BRD10: variants seen among roughly 807,000 people sequenced by gnomAD.
The protein encoded by BRD10 is bromodomain containing 10, also known as uncharacterized bromodomain-containing protein 10.
chr9:5,914,185 C>T, the BRD10 span: 8 of 345,332 alleles, frequency 2.3e-5, no homozygotes, highest in African/African-American at 4.4e-5. Flanking sequence ...ATCATGTCTG[C>T]GAGGAAGGTT....
chr9:5,979,772 T>C, the BRD10 span, among the ~76,000 whole-genome samples: 2 of 152,012 alleles, frequency 1.3e-5, no homozygotes, highest in African/African-American at 4.8e-5. Flanking sequence ...TTCCAGCACT[T>C]TGGGAGGCTG....
At chr9:5,947,235 G>C in the BRD10 span, among the ~76,000 whole-genome samples, 2 of 152,074 alleles carry the variant, frequency 1.3e-5, no homozygotes, top group Admixed American at 6.6e-5. Context: ...ATTGCATGGG[G>C]ATCTTAATAA....
chr9:5,982,335 T>A, the BRD10 span, among the ~76,000 whole-genome samples: 2 of 152,060 alleles, frequency 1.3e-5, no homozygotes, highest in African/African-American at 2.4e-5. Flanking sequence ...AATGAGATGA[T>A]CCCTACAATT....
chr9:5,994,479 C>T, the BRD10 span, among the ~76,000 whole-genome samples: 2 of 152,282 alleles, frequency 1.3e-5, no homozygotes, highest in Non-Finnish European at 1.5e-5. Context: ...TTACTTTCTA[C>T]TTGATTTTTA....
At chr9:5,994,420 G>A in the BRD10 span, among the ~76,000 whole-genome samples, 1 of 152,126 alleles carries the variant, frequency 6.6e-6, no homozygotes, top group Non-Finnish European at 1.5e-5. Context: ...TTCAGGAAAA[G>A]AAGTAGTCTT....
chr9:5,912,279 T>C, the BRD10 span, among the ~76,000 whole-genome samples: 35 of 152,318 alleles, frequency 2.3e-4, no homozygotes, highest in African/African-American at 6.7e-4. Flanking sequence ...GTGGAGTCTT[T>C]AGGTTTTTCC....
the BRD10 span, among the ~76,000 whole-genome samples, chr9:5,885,264 G>C: frequency 1.3e-5 from 2 of 152,202 alleles, no homozygotes; most frequent in Non-Finnish European, 2.9e-5. Context: ...CTCACCCCAA[G>C]GACTGGGCAC....
chr9:5,998,194 A>T, the BRD10 span, among the ~76,000 whole-genome samples: 7 of 152,196 alleles, frequency 4.6e-5, no homozygotes, highest in Admixed American at 2.6e-4. Flanking sequence ...AACTATTAAC[A>T]GTAGGATTGG....
the BRD10 span, among the ~76,000 whole-genome samples, chr9:5,932,252 C>T: frequency 2.0e-5 from 3 of 151,316 alleles, no homozygotes; most frequent in South Asian, 2.1e-4. Context: ...TTCATATACA[C>T]GGACAAGGGA....
At chr9:5,969,399 T>A in the BRD10 span, 2 of 1,588,656 alleles carry the variant, frequency 1.3e-6, no homozygotes, top group African/African-American at 2.7e-5. Flanking sequence ...TCCTTTTGAC[T>A]AGCTTCTTCT....
At chr9:5,892,651 T>TG in the BRD10 span, 1 of 905,386 alleles carries the variant, frequency 1.1e-6, no homozygotes, top group South Asian at 1.8e-5. Flanking sequence ...ATCTCCCTAG[T>TG]GTTTATCTCC....
At chr9:5,977,121 A>G in the BRD10 span, among the ~76,000 whole-genome samples, 4 of 152,250 alleles carry the variant, frequency 2.6e-5, no homozygotes, top group African/African-American at 9.6e-5. Context: ...ACAGAAACAC[A>G]GTTTGCCTGG....
chr9:5,920,922 T>TA, the BRD10 span: 1 of 1,613,992 alleles, frequency 6.2e-7, no homozygotes, highest in Non-Finnish European at 8.5e-7. Context: ...AAAATAGGCA[T>TA]AATTCTTGAA....
the BRD10 span, among the ~76,000 whole-genome samples, chr9:5,998,410 T>C: frequency 1.3e-5 from 2 of 152,140 alleles, no homozygotes; most frequent in South Asian, 2.1e-4. Flanking sequence ...ACACATAACA[T>C]TTTAATAATC....
the BRD10 span, chr9:5,908,822 T>A: frequency 5.0e-5 from 48 of 956,300 alleles, no homozygotes; most frequent in Non-Finnish European, 7.4e-5. Context: ...ATGCAAGCCA[T>A]CTCTAATAAT....
At chr9:5,922,899 G>A in the BRD10 span, 1 of 1,613,974 alleles carries the variant, frequency 6.2e-7, no homozygotes, top group Non-Finnish European at 8.5e-7. Flanking sequence ...TCCACAGCAA[G>A]AGCATTTCTA....
chr9:5,897,666 C>T, the BRD10 span: 1 of 1,605,060 alleles, frequency 6.2e-7, no homozygotes, highest in Non-Finnish European at 8.5e-7. Flanking sequence ...TGGTAAAGTT[C>T]CCACTGCTGA....
At chr9:5,920,061 C>T in the BRD10 span, 1 of 1,613,928 alleles carries the variant, frequency 6.2e-7, no homozygotes, top group South Asian at 1.1e-5. Flanking sequence ...GATGTATGTA[C>T]TGTGGGTATA....
At chr9:5,883,612 C>T in the BRD10 span, among the ~76,000 whole-genome samples, 110 of 151,712 alleles carry the variant, frequency 7.3e-4, no homozygotes, top group Non-Finnish European at 1.3e-3. Context: ...ACCACAGGTG[C>T]GCACCAACAT....
Sources: allele counts gnomAD v4.1 joint callset (sites outside exome capture counted in the v4.1 genomes callset), GRCh38; gene constraint gnomAD v4.1.1; transcripts MANE v1.5; gene names NCBI Gene and HGNC (gene_info 2026-07-23, HGNC 2026-07-21).